Variants in MAF observed in about 807,000 individuals in gnomAD.
MAF encodes the protein MAF bZIP transcription factor, also known as transcription factor Maf.
MAF carries 10 observed loss-of-function variants against 22.0 expected under a neutral mutation model. The ratio of observed to expected loss-of-function variants is 0.45; its 90% CI spans 0.28 to 0.77. MAF has a LOEUF of 0.77. Ranked by LOEUF, MAF falls within the 30% of genes least tolerant of loss-of-function variation. The pLI is 0.12. For missense variants in MAF, 544 were observed against 548.4 expected (o/e 0.99, Z 0.08); for synonymous variants, 337 against 255.8 (o/e 1.32, Z -3.03).
At chr16:79,348,850 G>A in the MAF span, among the ~76,000 whole-genome samples, 1 of 152,162 alleles carries the variant, frequency 6.6e-6, no homozygotes, top group Non-Finnish European at 1.5e-5. Flanking sequence ...ATTCTCGAGG[G>A]GCTAAATGGC....
chr16:79,358,639 A>C, the MAF span, among the ~76,000 whole-genome samples: 1 of 152,232 alleles, frequency 6.6e-6, no homozygotes, highest in Non-Finnish European at 1.5e-5. Context: ...GGATGTAAAA[A>C]GATAATGTAG....
the MAF span, among the ~76,000 whole-genome samples, chr16:79,375,775 C>G: frequency 6.6e-6 from 1 of 152,172 alleles, no homozygotes; most frequent in South Asian, 2.1e-4. Flanking sequence ...GAAATAATCA[C>G]CCTTTTCTCT....
the MAF span, among the ~76,000 whole-genome samples, chr16:79,382,081 G>A: frequency 1.3e-5 from 2 of 152,066 alleles, no homozygotes; most frequent in East Asian, 3.9e-4. Context: ...TTCTTACAGG[G>A]GAGCTTTCAA....
At chr16:79,509,068 C>G in the MAF span, among the ~76,000 whole-genome samples, 1 of 152,206 alleles carries the variant, frequency 6.6e-6, no homozygotes, top group Non-Finnish European at 1.5e-5. Context: ...AGCTACTGCT[C>G]TAGTCTTCAT....
At chr16:79,211,971 C>T in the MAF span, 116 of 1,532,756 alleles carry the variant, frequency 7.6e-5, 2 homozygotes, top group East Asian at 2.8e-3. Context: ...GCAGGGAATT[C>T]CTGGGGTAAA....
At chr16:79,273,947 G>C in the MAF span, among the ~76,000 whole-genome samples, 1 of 122,782 alleles carries the variant, frequency 8.1e-6, no homozygotes, top group African/African-American at 3.0e-5. Flanking sequence ...CTTCGTGTCT[G>C]CCTTTTTTTT....
chr16:79,227,556 C>T, the MAF span, among the ~76,000 whole-genome samples: 3 of 152,002 alleles, frequency 2.0e-5, no homozygotes, highest in African/African-American at 7.2e-5. Context: ...CCTCAGTGCA[C>T]TCCTATTAAC....
At chr16:79,244,334 A>G in the MAF span, among the ~76,000 whole-genome samples, 1 of 152,048 alleles carries the variant, frequency 6.6e-6, no homozygotes, top group South Asian at 2.1e-4. Flanking sequence ...CTCAGCCCAA[A>G]ATCTCCTTAA....
chr16:79,496,299 G>A, the MAF span, among the ~76,000 whole-genome samples: 14 of 152,238 alleles, frequency 9.2e-5, no homozygotes, highest in South Asian at 4.1e-4. Flanking sequence ...GGGTCATTTC[G>A]GAAGATTGCA....
chr16:79,279,836 G>A, the MAF span, among the ~76,000 whole-genome samples: 1 of 152,020 alleles, frequency 6.6e-6, no homozygotes, highest in Non-Finnish European at 1.5e-5. Flanking sequence ...CTCTCCCAGA[G>A]CTTTGGCAGA....
At chr16:79,572,831 T>C in the MAF span, among the ~76,000 whole-genome samples, 2 of 152,334 alleles carry the variant, frequency 1.3e-5, no homozygotes, top group South Asian at 4.1e-4. Context: ...AAGTGCTGTA[T>C]TGAATTAAAA....
At chr16:79,444,398 T>C in the MAF span, among the ~76,000 whole-genome samples, 1 of 152,216 alleles carries the variant, frequency 6.6e-6, no homozygotes, top group Non-Finnish European at 1.5e-5. Flanking sequence ...GCGTGGATTT[T>C]ATAGTCGGAC....
the MAF span, among the ~76,000 whole-genome samples, chr16:79,407,294 T>C: frequency 3.3e-5 from 5 of 152,256 alleles, no homozygotes; most frequent in East Asian, 9.7e-4. Context: ...GCTAGCTCTG[T>C]TCCAAGCACG....
At chr16:79,420,220 T>C in the MAF span, among the ~76,000 whole-genome samples, 515 of 152,332 alleles carry the variant, frequency 3.4e-3, 4 homozygotes, top group Middle Eastern at 6.8e-3. Flanking sequence ...ATGTGCTGTT[T>C]ATAGATGTGC....
At chr16:79,352,310 G>A in the MAF span, among the ~76,000 whole-genome samples, 2 of 152,086 alleles carry the variant, frequency 1.3e-5, no homozygotes, top group Non-Finnish European at 2.9e-5. Context: ...CGTATTCCAC[G>A]TCTTCTATAA....
chr16:79,460,814 A>C, the MAF span, among the ~76,000 whole-genome samples: 1 of 152,132 alleles, frequency 6.6e-6, no homozygotes, highest in Admixed American at 6.5e-5. Flanking sequence ...ATCCAAAGGC[A>C]TTTTAAAGCT....
the MAF span, among the ~76,000 whole-genome samples, chr16:79,497,537 G>T: frequency 6.6e-6 from 1 of 152,180 alleles, no homozygotes; most frequent in Non-Finnish European, 1.5e-5. Context: ...AATTTGCCTT[G>T]CCACAAACTC....
At chr16:79,311,973 G>A in the MAF span, among the ~76,000 whole-genome samples, 1 of 152,108 alleles carries the variant, frequency 6.6e-6, no homozygotes, top group Non-Finnish European at 1.5e-5. Flanking sequence ...CTTGGGAGGG[G>A]GAGTTGCTGA....
chr16:79,497,383 CA>C, the MAF span, among the ~76,000 whole-genome samples: 1 of 152,200 alleles, frequency 6.6e-6, no homozygotes, highest in Non-Finnish European at 1.5e-5. Flanking sequence ...CACCCCACTC[CA>C]CCCGCCTGCT....
Sources: gnomAD v4.1 joint callset for allele counts (sites outside exome capture counted in the v4.1 genomes callset) on GRCh38, gnomAD v4.1.1 for gene constraint, MANE v1.5 for transcripts, NCBI Gene and HGNC (gene_info 2026-07-23, HGNC 2026-07-21) for gene names.